Variants in NCAM2 observed in about 807,000 individuals in gnomAD.
NCAM2 encodes neural cell adhesion molecule 2, also known as N-CAM-2.
Under a neutral mutation model 98.1 loss-of-function variants are expected in NCAM2, and 30 were observed. The ratio of observed to expected loss-of-function variants is 0.31; its 90% CI spans 0.23 to 0.41. The LOEUF is 0.41. Ranked by LOEUF, NCAM2 falls within the 10% of genes least tolerant of loss-of-function variation. The probability of loss-of-function intolerance (pLI) is 1.00; values close to 1 mark genes in which losing one functional copy is unlikely to be tolerated. For missense variants in NCAM2, 867 were observed against 1,005.8 expected, an observed-to-expected ratio of 0.86 and a Z score of 1.87; for synonymous variants, 368 against 342.4, an observed-to-expected ratio of 1.07 and a Z score of -0.83.
chr21:21,158,946 A>G (rs923288807), intron 1 of NCAM2, among the ~76,000 whole-genome samples: 11 of 152,154 alleles, frequency 7.2e-5, no homozygotes, highest in Non-Finnish European at 1.3e-4. Flanking sequence ...GTATTCCAAA[A>G]GCAGACCTTG....
intron 1 of NCAM2, among the ~76,000 whole-genome samples, chr21:21,258,718 C>T (rs1264417014): frequency 2.0e-5 from 3 of 152,062 alleles, no homozygotes; most frequent in Admixed American, 6.5e-5. Context: ...GCATGGTGGG[C>T]CACTGCCCTC....
At chr21:21,259,998 A>G (rs377527658) in intron 1 of NCAM2, among the ~76,000 whole-genome samples, 6 of 151,676 alleles carry the variant, frequency 4.0e-5, no homozygotes, top group Admixed American at 6.6e-5. Flanking sequence ...CAAGATAGCT[A>G]TATTAAAAAA....
intron 5 of NCAM2, among the ~76,000 whole-genome samples, chr21:21,295,559 G>A (rs1175403186): frequency 1.3e-5 from 2 of 151,682 alleles, no homozygotes; most frequent in African/African-American, 4.8e-5. Context: ...TACACACCAT[G>A]ACTGAAATCA....
At chr21:21,204,656 C>G (rs2069366632) in intron 1 of NCAM2, among the ~76,000 whole-genome samples, 1 of 152,032 alleles carries the variant, frequency 6.6e-6, no homozygotes, top group Admixed American at 6.6e-5. Flanking sequence ...TTTACATATA[C>G]CAAAGTTCAA....
intron 1 of NCAM2, among the ~76,000 whole-genome samples, chr21:21,254,810 G>A (rs996724124): frequency 1.3e-5 from 2 of 152,044 alleles, no homozygotes; most frequent in African/African-American, 4.8e-5. Flanking sequence ...CTCCATTTGT[G>A]GCAAGGTTGT....
chr21:21,453,222 A>G (rs1001376400), intron 12 of NCAM2, among the ~76,000 whole-genome samples: 1 of 149,956 alleles, frequency 6.7e-6, no homozygotes, highest in African/African-American at 2.5e-5. Flanking sequence ...GCAGAGCAAG[A>G]TGCTGTGTAA....
chr21:21,058,411 A>T (rs1359442938), intron 1 of NCAM2, among the ~76,000 whole-genome samples: 1 of 152,142 alleles, frequency 6.6e-6, no homozygotes, highest in Admixed American at 6.6e-5. Flanking sequence ...ACTTTGTGAT[A>T]AAGCAAATGA....
At chr21:21,071,889 A>T (rs1312580411) in intron 1 of NCAM2, among the ~76,000 whole-genome samples, 1 of 150,036 alleles carries the variant, frequency 6.7e-6, no homozygotes, top group African/African-American at 2.5e-5. Context: ...CTATCTATCT[A>T]TCTATCTATC....
chr21:21,438,064 T>A (rs920100292), intron 12 of NCAM2, among the ~76,000 whole-genome samples: 1 of 152,158 alleles, frequency 6.6e-6, no homozygotes, highest in African/African-American at 2.4e-5. Context: ...GAAGATAGAT[T>A]TAGGTTTATC....
chr21:21,224,710 C>CATCT (rs1404890182), intron 1 of NCAM2, among the ~76,000 whole-genome samples: 2 of 152,040 alleles, frequency 1.3e-5, no homozygotes, highest in Non-Finnish European at 2.9e-5. Context: ...TGAACCTGAA[C>CATCT]AGATGCCCTT....
At chr21:21,277,992 T>C (rs968682352) in intron 1 of NCAM2, among the ~76,000 whole-genome samples, 3 of 152,162 alleles carry the variant, frequency 2.0e-5, no homozygotes, top group African/African-American at 7.2e-5. Context: ...GGAATATGTT[T>C]GGTTTGCATA....
chr21:21,243,481 T>C (rs2071148052), intron 1 of NCAM2, among the ~76,000 whole-genome samples: 1 of 152,212 alleles, frequency 6.6e-6, no homozygotes, highest in African/African-American at 2.4e-5. Context: ...ATGCTTGGGC[T>C]AACCAGTTGA....
intron 16 of NCAM2, among the ~76,000 whole-genome samples, chr21:21,521,510 A>G (rs1358316204): frequency 1.3e-5 from 2 of 152,164 alleles, no homozygotes; most frequent in African/African-American, 4.8e-5. Context: ...ATCGATGAGT[A>G]ACATGCTAAG....
In NCAM2 at chr21:21,226,133, A is replaced by G. The variant is rs560139443; in HGVS notation, c.56-54445A>G. Among the ~76,000 whole-genome samples the G allele has an allele frequency of 3.9e-5, 6 of 152,206 alleles. No individual in the cohort carries two copies. The South Asian group carries it at 1.0e-3, about 26-fold the overall frequency. On this transcript the variant is annotated intron_variant, in intron 1 of 17. Coordinates refer to ENST00000400546, the MANE Select transcript of NCAM2 (RefSeq NM_004540.5). ...AGCACACACAGACACAAAGATGGGA[A>G]CAATAGACACGGGATTTCAAAAGCG...
At chr21:21,386,096 G>A (rs905980680) in intron 9 of NCAM2, among the ~76,000 whole-genome samples, 2 of 151,990 alleles carry the variant, frequency 1.3e-5, no homozygotes, top group African/African-American at 2.4e-5. Flanking sequence ...TTATTTACAT[G>A]CTGTCCATAT....
At chr21:21,309,430 A>C (rs1377425831) in intron 5 of NCAM2, among the ~76,000 whole-genome samples, 1 of 152,200 alleles carries the variant, frequency 6.6e-6, no homozygotes, top group East Asian at 1.9e-4. Context: ...CCATGAGATA[A>C]GAATGTTTCT....
intron 6 of NCAM2, among the ~76,000 whole-genome samples, chr21:21,330,597 A>G (rs2074646681): frequency 6.6e-6 from 1 of 151,560 alleles, no homozygotes; most frequent in African/African-American, 2.4e-5. Flanking sequence ...AAATAGATCA[A>G]CTCCCTTGAT....
Position 21,149,059 on chromosome 21 carries a change from A to G in NCAM2, c.56-131519A>G, listed in dbSNP as rs1290636944. 2.6e-5 allele frequency among the ~76,000 whole-genome samples: 4 copies of G among 152,134 alleles called. No homozygotes were observed. The East Asian group carries it at 7.7e-4, about 29-fold the overall frequency. On this transcript the variant is annotated intron_variant, in intron 1 of 17. Transcript: ENST00000400546. ...TGTGGTTCTATTTCTGGACTCTGTT[A>G]TGTTCCATGAATCTGTATTTCTATC...
At chr21:21,520,964 A>C (rs990352627) in intron 16 of NCAM2, among the ~76,000 whole-genome samples, 5 of 152,168 alleles carry the variant, frequency 3.3e-5, no homozygotes, top group Non-Finnish European at 7.4e-5. Flanking sequence ...TTATTGGAGA[A>C]GTATCTCCTT....
Sources: allele counts gnomAD v4.1 joint callset (sites outside exome capture counted in the v4.1 genomes callset), GRCh38; gene constraint gnomAD v4.1.1; transcripts MANE v1.5; gene names NCBI Gene and HGNC (gene_info 2026-07-23, HGNC 2026-07-21).